Variants in TNFRSF10C observed in about 807,000 individuals in gnomAD.
The protein encoded by TNFRSF10C is TNF receptor superfamily member 10c, also known as tumor necrosis factor receptor superfamily member 10C.
Under a neutral mutation model 16.7 loss-of-function variants are expected in TNFRSF10C, and 17 were observed. That is an observed-to-expected ratio of 1.02 (90% confidence interval 0.70 to 1.53). The LOEUF is 1.53. Ranked by LOEUF, TNFRSF10C falls within the 40% of genes most tolerant of loss-of-function variation. The pLI, the probability that TNFRSF10C is intolerant of heterozygous loss-of-function variation, is 0.00. For synonymous variants in TNFRSF10C, 73 were observed against 119.7 expected (o/e 0.61, Z 2.55); for missense variants, 237 against 329.7 (o/e 0.72, Z 2.18).
intron 2 of TNFRSF10C, among the ~76,000 whole-genome samples, chr8:23,113,244 G>C (rs933786224): frequency 7.9e-5 from 12 of 152,096 alleles, no homozygotes; most frequent in Non-Finnish European, 1.8e-4. Flanking sequence ...TCATTCTGTA[G>C]GTTGTCTCTT....
At chr8:23,112,664 C>T (rs961410930) in intron 2 of TNFRSF10C, among the ~76,000 whole-genome samples, 6 of 152,226 alleles carry the variant, frequency 3.9e-5, no homozygotes, top group African/African-American at 1.4e-4. Context: ...TTTTTAAAGG[C>T]TGAATAGTAT....
chr8:23,113,376 C>A (rs1299820310), intron 2 of TNFRSF10C, among the ~76,000 whole-genome samples: 1 of 152,182 alleles, frequency 6.6e-6, no homozygotes, highest in Non-Finnish European at 1.5e-5. Context: ...ATTGCCCAGA[C>A]CAACATCATG....
rs575888581 is a variant in TNFRSF10C, at chr8:23,103,386, G to A, written c.60+205G>A. Reference sequence around the variant, plus strand: ...GACCCGGCCGCGAGGGAGCAGAGAGGCGGTCCCCCTGGCTGCCCCGAGCCC... The same window carrying A: ...GACCCGGCCGCGAGGGAGCAGAGAGACGGTCCCCCTGGCTGCCCCGAGCCC... On this transcript the variant is annotated intron_variant, in intron 1 of 4. Transcript: ENST00000356864. 4 of 898,704 alleles carry A rather than the reference G, an allele frequency of 4.5e-6. No individual in the cohort carries two copies. In the East Asian group the frequency reaches 1.1e-4, roughly 24 times the overall value. 55.7% of individuals were successfully genotyped at this position (898,704 alleles called of 1,614,324 possible).
At chr8:23,111,662 G>C in intron 1 of TNFRSF10C, 58 bp from the exon 2 acceptor site, 1 of 1,358,918 alleles carries the variant, frequency 7.4e-7, no homozygotes, top group Non-Finnish European at 1.0e-6. Context: ...GTGAGATGGA[G>C]CCTGGGAGGG....
At chr8:23,115,691 C>T (rs1813968133) in intron 4 of TNFRSF10C, 75 bp downstream of exon 4, 2 of 1,236,494 alleles carry the variant, frequency 1.6e-6, no homozygotes, top group Non-Finnish European at 2.3e-6. Flanking sequence ...ACCCCTATTT[C>T]TCCGCTGACC....
chr8:23,105,087 G>T (rs1813751152), intron 1 of TNFRSF10C, among the ~76,000 whole-genome samples: 2 of 152,166 alleles, frequency 1.3e-5, no homozygotes, highest in Admixed American at 1.3e-4. Context: ...CTCTATCAAA[G>T]TAGGAATTGA....
Position 23,117,373 on chromosome 8 carries a change from A to C in TNFRSF10C, c.*342A>C. ...CAGGCAGGGGGCAGTCGGCTCCTCA[A>C]CTGGGTGACAAGGGTGAGGATGAGA... is the stretch of plus-strand genomic sequence containing the variant. On this transcript the variant is annotated 3_prime_UTR_variant, in exon 5 of 5. Transcript: ENST00000356864. The C allele has an allele frequency of 2.5e-6, 1 of 406,906 alleles. No homozygotes were observed. The highest frequency in any genetic ancestry group is 4.5e-6 in the Non-Finnish European group (1 of 224,314). The allele number at this position is 406,906 out of a possible 1,614,324, so 25.2% of individuals were successfully genotyped here. A position where few individuals can be genotyped will look rare whatever the true frequency, so the allele number is the denominator to read the frequency against.
Position 23,115,565 on chromosome 8 carries a change from A to G in TNFRSF10C, c.338A>G (p.Glu113Gly), listed in dbSNP as rs775676498. The G allele has an allele frequency of 1.2e-6, 2 of 1,613,590 alleles. No individual in the cohort carries two copies. The highest frequency in any genetic ancestry group is 2.2e-5 in the South Asian group (2 of 90,898). ...AGAGACACAGTGTGTCAGTGTAAAG[A>G]AGGCACCTTCCGGAATGAAAACTCC... ...MTRDTVCQCK[E>G]GTFRNENSPE... The change falls in exon 4 of 5, where the codon GAA becomes GGA. Residue 113 changes from glutamate to glycine, a missense_variant. By Grantham distance (98) the Glu-to-Gly change is moderately conservative (BLOSUM62 -2). This residue lies in a region of TNFRSF10C where 212 missense variants were observed against 196.8 expected (regional missense o/e 1.08). Transcript: ENST00000356864.
intron 1 of TNFRSF10C, among the ~76,000 whole-genome samples, chr8:23,104,459 C>T (rs572497303): frequency 1.3e-4 from 20 of 151,934 alleles, no homozygotes; most frequent in Middle Eastern, 3.4e-3. Context: ...CCCATCCTGA[C>T]GGCCTTTGCT....
chr8:23,115,625 G>A lies in TNFRSF10C; in HGVS notation c.389+9G>A. ...TGCCGGAAGTGTAGCAGGTGAGACA[G>A]CAGTCAGGGGCTCCTGACAGCTTTC... is the stretch of plus-strand genomic sequence containing the variant. On this transcript the variant is annotated intron_variant, in intron 4 of 4. Transcript: ENST00000356864. The A allele has an allele frequency of 6.2e-7, 1 of 1,608,610 alleles. No individual in the cohort carries two copies. Among genetic ancestry groups the A allele is most frequent in the Admixed American group, 1.7e-5 (1 of 59,612 alleles).
intron 2 of TNFRSF10C, among the ~76,000 whole-genome samples, chr8:23,112,187 A>G (rs1033496803): frequency 1.1e-4 from 16 of 152,270 alleles, no homozygotes; most frequent in African/African-American, 3.9e-4. Flanking sequence ...GCAATGCAGT[A>G]TAGCACTTAT....
In TNFRSF10C at chr8:23,117,093, GGGC is replaced by G; in HGVS notation, c.*65_*67del. 1 of 1,575,394 alleles carries G rather than the reference GGGC, an allele frequency of 6.3e-7. No individual in the cohort carries two copies. On this transcript the variant is annotated 3_prime_UTR_variant, in exon 5 of 5. Coordinates refer to ENST00000356864, the MANE Select transcript of TNFRSF10C (RefSeq NM_003841.5). ...AAAGGTTCAGGTAGGCGCTGGCTGA[GGGC>G]GGGGGGCGCTGGACACTCTCTGCCC...
chr8:23,106,368 C>G (rs906642236), intron 1 of TNFRSF10C, among the ~76,000 whole-genome samples: 3 of 151,174 alleles, frequency 2.0e-5, no homozygotes, highest in Non-Finnish European at 4.4e-5. Flanking sequence ...GGTTTGATTA[C>G]AGTCACCATT....
At position 23,114,452 on chromosome 8, in the gene TNFRSF10C, A is replaced by G. The variant is rs557323677; in HGVS notation, c.167-205A>G. 25 of 430,360 alleles carry G rather than the reference A, an allele frequency of 5.8e-5. No homozygotes were observed. The South Asian group carries it at 9.8e-4, about 17-fold the overall frequency. The allele number at this position is 430,360 out of a possible 1,614,324, so 26.7% of individuals were successfully genotyped here. A position where few individuals can be genotyped will look rare whatever the true frequency, so the allele number is the denominator to read the frequency against. On this transcript the variant is annotated intron_variant, in intron 2 of 4. Coordinates refer to ENST00000356864, the MANE Select transcript of TNFRSF10C (RefSeq NM_003841.5). ...CTCTCATAGAATTTGAATTTTGCATAGAATTTGAATTTTGTATTATATTTC... is the reference window on the plus strand; with the variant it reads ...CTCTCATAGAATTTGAATTTTGCATGGAATTTGAATTTTGTATTATATTTC...
intron 1 of TNFRSF10C, among the ~76,000 whole-genome samples, chr8:23,107,707 A>C (rs994383152): frequency 2.6e-5 from 4 of 152,218 alleles, no homozygotes; most frequent in African/African-American, 9.6e-5. Context: ...AGACAATCAT[A>C]GCTTAAATGG....
chr8:23,103,364 C>A, intron 1 of TNFRSF10C, 183 bp downstream of exon 1: 1 of 1,097,472 alleles, frequency 9.1e-7, no homozygotes, highest in South Asian at 1.4e-5. Flanking sequence ...CAGGAGGGAC[C>A]CGGCCGCGAG....
At chr8:23,111,279 C>T (rs756391586) in intron 1 of TNFRSF10C, among the ~76,000 whole-genome samples, 15 of 151,426 alleles carry the variant, frequency 9.9e-5, no homozygotes, top group African/African-American at 2.2e-4. Flanking sequence ...TGCAATGGCG[C>T]GATCTTGGCT....
chr8:23,107,184 A>G lies in TNFRSF10C; in HGVS notation c.60+4003A>G, dbSNP rs191735809. Among the ~76,000 whole-genome samples the G allele has an allele frequency of 1.2e-3, 177 of 152,350 alleles. 4 individuals carry two copies. In the South Asian group the frequency reaches 0.033, roughly 28 times the overall value. ...ATAGCAAAACCCGGTCACAACAACA[A>G]CAACAAAAAACCAAACAAACAGAAA... On this transcript the variant is annotated intron_variant, in intron 1 of 4. Coordinates refer to ENST00000356864, the MANE Select transcript of TNFRSF10C (RefSeq NM_003841.5).
At chr8:23,106,194 T>C (rs1813772090) in intron 1 of TNFRSF10C, among the ~76,000 whole-genome samples, 1 of 121,978 alleles carries the variant, frequency 8.2e-6, no homozygotes, top group African/African-American at 3.8e-5. Context: ...GCCCGCAGTG[T>C]GGTGGGAGAG....
Sources: gnomAD v4.1 joint callset for allele counts (sites outside exome capture counted in the v4.1 genomes callset) on GRCh38, gnomAD v4.1.1 for gene constraint, gnomAD v4.1.1 regional missense constraint, MANE v1.5 for transcripts, NCBI Gene and HGNC (gene_info 2026-07-23, HGNC 2026-07-21) for gene names.